Variants in CADM2 observed in about 807,000 individuals in gnomAD.
CADM2 encodes the protein cell adhesion molecule 2.
CADM2 carries 12 observed loss-of-function variants against 49.8 expected under a neutral mutation model. That is an observed-to-expected ratio of 0.24 (90% CI 0.15 to 0.39). CADM2 has a LOEUF of 0.39. Ranked by LOEUF, CADM2 falls within the 10% of genes least tolerant of loss-of-function variation. The probability of loss-of-function intolerance (pLI) is 1.00; values close to 1 mark genes in which losing one functional copy is unlikely to be tolerated. For missense variants in CADM2, 378 were observed against 492.3 expected (o/e 0.77, Z 2.20); for synonymous variants, 214 against 175.4 (o/e 1.22, Z -1.74).
intron 1 of CADM2, among the ~76,000 whole-genome samples, chr3:85,303,540 G>C (rs2044148633): frequency 6.6e-6 from 1 of 151,832 alleles, no homozygotes; most frequent in Non-Finnish European, 1.5e-5. Flanking sequence ...TACATAAATT[G>C]CTTGTGAAAA....
At chr3:85,307,604 T>C (rs980907181) in intron 1 of CADM2, among the ~76,000 whole-genome samples, 1 of 151,818 alleles carries the variant, frequency 6.6e-6, no homozygotes, top group African/African-American at 2.4e-5. Flanking sequence ...TCAAACATGC[T>C]TCTTTGTTCT....
chr3:85,522,239 A>G (rs1044090008), intron 1 of CADM2, among the ~76,000 whole-genome samples: 2 of 152,068 alleles, frequency 1.3e-5, no homozygotes, highest in South Asian at 4.1e-4. Context: ...ACCTTGCCCA[A>G]TTATACATTA....
At chr3:85,570,112 A>G (rs1001058717) in intron 1 of CADM2, among the ~76,000 whole-genome samples, 1 of 152,190 alleles carries the variant, frequency 6.6e-6, no homozygotes, top group Non-Finnish European at 1.5e-5. Context: ...TATAGATTTG[A>G]CAAATTAATT....
chr3:85,375,550 G>A (rs1273532043), intron 1 of CADM2, among the ~76,000 whole-genome samples: 1 of 152,150 alleles, frequency 6.6e-6, no homozygotes, highest in Admixed American at 6.5e-5. Context: ...AGCTGTTCCT[G>A]CTCAGTTTGT....
chr3:85,995,869 C>A (rs1448454866), intron 8 of CADM2, among the ~76,000 whole-genome samples: 1 of 151,970 alleles, frequency 6.6e-6, no homozygotes, highest in African/African-American at 2.4e-5. Flanking sequence ...GCGGGTGGAT[C>A]ACGAGGTCAG....
At position 85,530,531 on chromosome 3, in the gene CADM2, G is replaced by A. The variant is rs543582905; in HGVS notation, c.62-195991G>A. Among the ~76,000 whole-genome samples the A allele has an allele frequency of 4.0e-5, 6 of 151,876 alleles. No homozygotes were observed. In the South Asian group the frequency reaches 8.3e-4, roughly 21 times the overall value. ...TTTTCAGTAGAGACGGGGTTTCACCGTGTTAGCCAGGATGGTCTCAATCTC... is the reference window on the plus strand; with the variant it reads ...TTTTCAGTAGAGACGGGGTTTCACCATGTTAGCCAGGATGGTCTCAATCTC... On this transcript the variant is annotated intron_variant, in intron 1 of 9. Coordinates refer to ENST00000383699, the MANE Select transcript of CADM2 (RefSeq NM_001167675.2).
chr3:85,137,247 A>AT (rs1286346644), intron 1 of CADM2, among the ~76,000 whole-genome samples: 6 of 152,102 alleles, frequency 3.9e-5, no homozygotes, highest in South Asian at 2.1e-4. Flanking sequence ...AAATTTAGTT[A>AT]TTTTTAAATC....
chr3:85,257,320 C>T (rs1252579422), intron 1 of CADM2, among the ~76,000 whole-genome samples: 1 of 151,986 alleles, frequency 6.6e-6, no homozygotes, highest in Non-Finnish European at 1.5e-5. Context: ...TTTTATTTTC[C>T]ATAAGACAAA....
chr3:85,600,138 A>T (rs2063350424), intron 1 of CADM2, among the ~76,000 whole-genome samples: 1 of 151,998 alleles, frequency 6.6e-6, no homozygotes. Context: ...ATTATTGCTT[A>T]GTATCTTGCT....
chr3:85,453,401 TC>T (rs1223835464), intron 1 of CADM2, among the ~76,000 whole-genome samples: 2 of 152,120 alleles, frequency 1.3e-5, no homozygotes, highest in Non-Finnish European at 2.9e-5. Context: ...AGCATGATTA[TC>T]AGTGGTTATC....
intron 1 of CADM2, among the ~76,000 whole-genome samples, chr3:85,069,822 T>C (rs553345219): frequency 5.7e-4 from 87 of 152,300 alleles, no homozygotes; most frequent in Admixed American, 1.0e-3. Context: ...CACTGTCTTA[T>C]TTCTTTGACT....
intron 5 of CADM2, among the ~76,000 whole-genome samples, chr3:85,889,394 G>A (rs375311939): frequency 2.0e-5 from 3 of 152,146 alleles, no homozygotes; most frequent in Non-Finnish European, 4.4e-5. Flanking sequence ...AGATTATCAG[G>A]CCTTGATCCA....
At chr3:85,259,898 C>T (rs999429574) in intron 1 of CADM2, among the ~76,000 whole-genome samples, 1 of 152,030 alleles carries the variant, frequency 6.6e-6, no homozygotes, top group Non-Finnish European at 1.5e-5. Flanking sequence ...ATTCCAAAAT[C>T]GTTGTGCCAG....
At chr3:85,943,958 A>G (rs1278500825) in intron 7 of CADM2, among the ~76,000 whole-genome samples, 2 of 152,062 alleles carry the variant, frequency 1.3e-5, no homozygotes, top group Admixed American at 6.6e-5. Flanking sequence ...AAATGCTCTA[A>G]TTAAAATACA....
At chr3:85,967,121 T>C (rs1417663089) in intron 8 of CADM2, among the ~76,000 whole-genome samples, 2 of 151,662 alleles carry the variant, frequency 1.3e-5, no homozygotes. Context: ...CAGAAAATCG[T>C]ACACATAGAT....
At chr3:85,701,897 AT>A (rs1291372286) in intron 1 of CADM2, among the ~76,000 whole-genome samples, 1 of 151,410 alleles carries the variant, frequency 6.6e-6, no homozygotes. Context: ...AGATAGATAG[AT>A]AGATAGATAG....
intron 1 of CADM2, among the ~76,000 whole-genome samples, chr3:85,250,111 C>G (rs914651324): frequency 1.3e-5 from 2 of 151,550 alleles, no homozygotes; most frequent in African/African-American, 2.4e-5. Flanking sequence ...TTTAATTAAC[C>G]ATATTTGCCT....
chr3:85,148,024 G>A (rs1229721996), intron 1 of CADM2, among the ~76,000 whole-genome samples: 3 of 152,182 alleles, frequency 2.0e-5, no homozygotes, highest in Non-Finnish European at 2.9e-5. Flanking sequence ...ACACTTAGAA[G>A]TTATAAACTT....
chr3:85,591,454 A>AT (rs1220082241), intron 1 of CADM2, among the ~76,000 whole-genome samples: 2 of 151,846 alleles, frequency 1.3e-5, no homozygotes, highest in South Asian at 2.1e-4. Context: ...AATTTGGTTT[A>AT]TTTTTTGCAG....
Sources: gnomAD v4.1 joint callset for allele counts (sites outside exome capture counted in the v4.1 genomes callset) on GRCh38, gnomAD v4.1.1 for gene constraint, MANE v1.5 for transcripts, NCBI Gene and HGNC (gene_info 2026-07-23, HGNC 2026-07-21) for gene names.